Variants in WIPF1 observed in about 807,000 individuals in gnomAD.
The protein encoded by WIPF1 is WAS/WASL-interacting protein family member 1.
A neutral mutation model predicts 35.4 loss-of-function variants in WIPF1; 13 were observed. The observed-to-expected ratio is 0.37, with a 90% CI of 0.24 to 0.58. WIPF1 has a LOEUF of 0.58. Ranked by LOEUF, WIPF1 falls within the 20% of genes least tolerant of loss-of-function variation. WIPF1 has a pLI of 0.74. For missense variants in WIPF1, 591 were observed against 667.0 expected (o/e 0.89, Z 1.25); for synonymous variants, 267 against 266.3 (o/e 1.00, Z -0.02).
chr2:174,582,053 A>ACCC (rs1685259648), intron 2 of WIPF1, among the ~76,000 whole-genome samples: 1 of 152,040 alleles, frequency 6.6e-6, no homozygotes, highest in African/African-American at 2.4e-5. Flanking sequence ...GTTTTGACAA[A>ACCC]CATATACAGT....
chr2:174,660,285 C>T (rs541416329), intron 1 of WIPF1, among the ~76,000 whole-genome samples: 2 of 152,302 alleles, frequency 1.3e-5, no homozygotes, highest in Admixed American at 6.5e-5. Context: ...GGTCCAAACC[C>T]CGGTCCTGCC....
chr2:174,578,262 A>G (rs77351945), intron 3 of WIPF1, among the ~76,000 whole-genome samples: 3 of 152,200 alleles, frequency 2.0e-5, no homozygotes, highest in Non-Finnish European at 4.4e-5. Flanking sequence ...CCACTAATGT[A>G]CAGCTTTCTT....
chr2:174,571,955 G>A lies in WIPF1; in HGVS notation c.850C>T (p.Pro284Ser), dbSNP rs1559147068. The A allele has an allele frequency of 3.8e-6, 6 of 1,575,798 alleles. No individual in the cohort carries two copies. Among genetic ancestry groups the A allele is most frequent in the Middle Eastern group, 1.7e-4 (1 of 5,826 alleles). ...GGCTTGTTGTTCTGAGGAGGAGGAGGGGGAACCGCTTCCCTGTGGATGGAG... is the reference window on the plus strand; with the variant it reads ...GGCTTGTTGTTCTGAGGAGGAGGAGAGGGAACCGCTTCCCTGTGGATGGAG... The part of the protein sequence containing the change: ...RPSIHREAVP[P>S]PPPQNNKPPV... The change falls in exon 5 of 8, where the codon CCT becomes TCT. Residue 284 changes from proline (P) to serine (S), a missense_variant. Coordinates refer to ENST00000679041, the MANE Select transcript of WIPF1 (RefSeq NM_001375834.1). The surrounding 1 kb of genome is among the most constrained non-coding windows in gnomAD (Gnocchi z 4.6).
chr2:174,561,926 A>C lies in WIPF1; in HGVS notation c.*621T>G, dbSNP rs746636307. The stretch of plus-strand genomic sequence containing the variant: ...AATATCTCATTAAAATTTTATGTTG[A>C]TTACAGGTTGAAATATTTTGGATGC... On this transcript the variant is annotated 3_prime_UTR_variant, in exon 8 of 8. Coordinates refer to ENST00000679041, the MANE Select transcript of WIPF1 (RefSeq NM_001375834.1). 7 of 823,728 alleles carry C rather than the reference A, an allele frequency of 8.5e-6. No individual in the cohort carries two copies. Among genetic ancestry groups the C allele is most frequent in the Non-Finnish European group, 1.3e-5 (7 of 540,514 alleles). 51.0% of individuals were successfully genotyped at this position (823,728 alleles called of 1,614,324 possible). A position where few individuals can be genotyped will look rare whatever the true frequency, so the allele number is the denominator to read the frequency against.
At chr2:174,580,256 T>C (rs1685192878) in intron 3 of WIPF1, among the ~76,000 whole-genome samples, 1 of 152,138 alleles carries the variant, frequency 6.6e-6, no homozygotes, top group Non-Finnish European at 1.5e-5. Flanking sequence ...CGGCCATAGT[T>C]CCTTTTTGAA....
upstream of WIPF1, among the ~76,000 whole-genome samples, chr2:174,600,659 T>C (rs1685972183): frequency 6.6e-6 from 1 of 152,240 alleles, no homozygotes. Flanking sequence ...TGTTTTCTTT[T>C]ATGCATAGCA....
chr2:174,644,281 A>C (rs558850897), intron 1 of WIPF1, among the ~76,000 whole-genome samples: 41 of 152,260 alleles, frequency 2.7e-4, no homozygotes, highest in Middle Eastern at 3.4e-3. Context: ...ACATAGTAGG[A>C]CTCTATTAAT....
intron 1 of WIPF1, among the ~76,000 whole-genome samples, chr2:174,664,158 A>G (rs1687838332): frequency 6.6e-6 from 1 of 151,896 alleles, no homozygotes; most frequent in African/African-American, 2.4e-5. Context: ...CACACACCCC[A>G]AGTGCTTGAA....
chr2:174,566,821 A>G, intron 7 of WIPF1: 2 of 395,492 alleles, frequency 5.1e-6, no homozygotes, highest in Non-Finnish European at 9.1e-6. Context: ...GTAAAATAAT[A>G]AAATTTAATA....
chr2:174,624,087 C>T (rs761284522), intron 1 of WIPF1, among the ~76,000 whole-genome samples: 1 of 152,130 alleles, frequency 6.6e-6, no homozygotes, highest in Admixed American at 6.5e-5. Context: ...ACTTTGAAAA[C>T]TTCCCTCACA....
chr2:174,633,364 A>G (rs996866789), intron 1 of WIPF1, among the ~76,000 whole-genome samples: 8 of 152,212 alleles, frequency 5.3e-5, no homozygotes, highest in African/African-American at 1.7e-4. Flanking sequence ...ACTTTGGGCT[A>G]GAATGAAGAC....
intron 1 of WIPF1, among the ~76,000 whole-genome samples, chr2:174,644,402 G>T (rs1158064389): frequency 6.6e-6 from 1 of 151,996 alleles, no homozygotes; most frequent in Admixed American, 6.5e-5. Flanking sequence ...TTTCTAAAAG[G>T]GTATGCTGCC....
chr2:174,602,966 G>A (rs2105884853), intron 1 of WIPF1, among the ~76,000 whole-genome samples: 1 of 152,336 alleles, frequency 6.6e-6, no homozygotes, highest in Non-Finnish European at 1.5e-5. Context: ...ATTCAAGGCT[G>A]GCTAATCAGA....
chr2:174,606,355 A>G (rs1686164690), intron 1 of WIPF1, among the ~76,000 whole-genome samples: 1 of 152,212 alleles, frequency 6.6e-6, no homozygotes, highest in Admixed American at 6.5e-5. Flanking sequence ...AACATGTACT[A>G]AACATTTGAA....
chr2:174,659,217 CT>C (rs1310043857), intron 1 of WIPF1, among the ~76,000 whole-genome samples: 1 of 152,146 alleles, frequency 6.6e-6, no homozygotes, highest in African/African-American at 2.4e-5. Context: ...ATCCTCCTAC[CT>C]CAGCCTCCTG....
chr2:174,581,607 G>A (rs1298511744), intron 2 of WIPF1, among the ~76,000 whole-genome samples, 168 bp from the exon 3 acceptor site: 1 of 152,182 alleles, frequency 6.6e-6, no homozygotes, highest in East Asian at 1.9e-4. Context: ...TTAAGATCCA[G>A]ACGTTTGGAA....
intron 1 of WIPF1, among the ~76,000 whole-genome samples, chr2:174,589,316 G>A (rs1685531936): frequency 6.6e-6 from 1 of 152,218 alleles, no homozygotes; most frequent in Admixed American, 6.5e-5. Context: ...CACTTGAAGG[G>A]CTCCCAGCAT....
intron 1 of WIPF1, among the ~76,000 whole-genome samples, chr2:174,628,476 A>G (rs1194584759): frequency 6.6e-6 from 1 of 152,234 alleles, no homozygotes; most frequent in South Asian, 2.1e-4. Flanking sequence ...GGACCAGTTC[A>G]TTGCCCACAA....
chr2:174,651,002 T>C (rs985267358), intron 1 of WIPF1, among the ~76,000 whole-genome samples: 6 of 152,360 alleles, frequency 3.9e-5, no homozygotes, highest in Non-Finnish European at 8.8e-5. Flanking sequence ...GCATTGCTTG[T>C]TGGGCTTTTA....
Sources: allele counts gnomAD v4.1 joint callset (sites outside exome capture counted in the v4.1 genomes callset), GRCh38; gene constraint gnomAD v4.1.1; non-coding constraint Gnocchi (gnomAD v3.1); transcripts MANE v1.5; gene names NCBI Gene and HGNC (gene_info 2026-07-23, HGNC 2026-07-21).